The following TFE3 variants were observed in gnomAD, a reference collection of about 807,000 sequenced individuals.
The protein encoded by TFE3 is transcription factor binding to IGHM enhancer 3.
TFE3 carries 5 observed loss-of-function variants against 35.0 expected under a neutral mutation model. The observed-to-expected ratio is 0.14, with a 90% CI of 0.07 to 0.30. TFE3 has a LOEUF of 0.30. Ranked by LOEUF, TFE3 falls within the 10% of genes least tolerant of loss-of-function variation. The probability of loss-of-function intolerance (pLI) is 1.00; values close to 1 mark genes in which losing one functional copy is unlikely to be tolerated. For missense variants in TFE3, 374 were observed against 496.6 expected (o/e 0.75, Z 2.35); for synonymous variants, 211 against 215.6 (o/e 0.98, Z 0.18).
At chrX:49,037,400 G>T (rs1323161525) in intron 5 of TFE3, among the ~76,000 whole-genome samples, 1 of 110,700 alleles carries the variant, frequency 9.0e-6, no homozygotes, top group Non-Finnish European at 1.9e-5. Context: ...CATTCAAGTT[G>T]CTATAAGATG....
rs1557075340 is a variant in TFE3, at chrX:49,039,333, G to A, written c.308C>T (p.Thr103Ile). ...TGAAGAAGATGACGACATGGCAGGG[G>A]TCCTGGAGCCCCCTGCAGAAGACGA... Reference protein sequence around the residue: ...SASSSAGGSRTPAMSSSSSSR... With the variant: ...SASSSAGGSRIPAMSSSSSSR... Residue 103 changes from threonine to isoleucine, a missense_variant, in exon 3 of 10, where the codon ACC (threonine) becomes ATC (isoleucine). Thr to Ile is a moderately conservative substitution (Grantham distance 89). This residue lies in a region of TFE3 where 90 missense variants were observed against 87.5 expected (regional missense o/e 1.03). Transcript: ENST00000315869. The A allele has an allele frequency of 1.7e-6, 2 of 1,207,467 alleles. No homozygotes were observed. Among genetic ancestry groups the A allele is most frequent in the Non-Finnish European group, 2.2e-6 (2 of 893,289 alleles).
At chrX:49,038,762 T>C (rs1602498424) in intron 3 of TFE3, among the ~76,000 whole-genome samples, 1 of 109,760 alleles carries the variant, frequency 9.1e-6, no homozygotes, top group Admixed American at 9.7e-5. Flanking sequence ...CTGGGAACCA[T>C]ACAATGCTTC....
chrX:49,037,990 C>A lies in TFE3; in HGVS notation c.885+20G>T. 1 of 1,168,703 alleles carries A rather than the reference C, an allele frequency of 8.6e-7. No homozygotes were observed. Among genetic ancestry groups the A allele is most frequent in the Non-Finnish European group, 1.2e-6 (1 of 866,710 alleles). On this transcript the variant is annotated intron_variant, in intron 5 of 9. Transcript: ENST00000315869. ...GAAATGCCCTAATTTTCAGACCAACCTCCCATCTCAGGGCCTCACCGTGCT... is the reference window on the plus strand; with the variant it reads ...GAAATGCCCTAATTTTCAGACCAACATCCCATCTCAGGGCCTCACCGTGCT...
At chrX:49,034,644 C>A (rs1322914431) in intron 5 of TFE3, among the ~76,000 whole-genome samples, 1 of 112,138 alleles carries the variant, frequency 8.9e-6, no homozygotes, top group Non-Finnish European at 1.9e-5. Flanking sequence ...AGTCCGTTAG[C>A]TCCTCCCAGC....
chrX:49,030,377 C>G lies in TFE3; in HGVS notation c.1509G>C (p.Leu503=), dbSNP rs2147767674. Residue 503 remains leucine (L), a synonymous_variant, in exon 10 of 10, where the codon CTG becomes CTC. Transcript: ENST00000315869. ...CCCCCAGGTGGTCGCTGGGAAAGTG[C>G]AGGTCCAGAAGGGCATCTGAGGGCG... ...PAPPSDALLD[L]HFPSDHLGDL... The G allele has an allele frequency of 8.3e-7, 1 of 1,209,590 alleles. No individual in the cohort carries two copies. Among genetic ancestry groups the G allele is most frequent in the East Asian group, 3.0e-5 (1 of 33,719 alleles).
chrX:49,039,536 A>C, intron 2 of TFE3, 126 bp from the exon 3 acceptor site: 1 of 757,843 alleles, frequency 1.3e-6, no homozygotes, highest in Non-Finnish European at 1.8e-6. Context: ...CGAGGCCACA[A>C]TGTAGAAGCA....
At chrX:49,040,421 T>C in intron 2 of TFE3, 34 bp downstream of exon 2, 1 of 1,100,787 alleles carries the variant, frequency 9.1e-7, no homozygotes, top group Non-Finnish European at 1.3e-6. Flanking sequence ...GCTGAGGAAT[T>C]GGGAGGGGAA....
In TFE3 at chrX:49,039,425, A is replaced by G; in HGVS notation, c.231-15T>C. 1 of 1,156,925 alleles carries G rather than the reference A, an allele frequency of 8.6e-7. No individual in the cohort carries two copies. The highest frequency in any genetic ancestry group is 1.2e-6 in the Non-Finnish European group (1 of 868,178). On this transcript the variant is annotated splice_polypyrimidine_tract_variant and intron_variant, in intron 2 of 9. Coordinates refer to ENST00000315869, the MANE Select transcript of TFE3 (RefSeq NM_006521.6). ...ATATTGGGAGGCTGTGGAATGGGAA[A>G]TATGGGGCCATATTTTAGGTAAGCT... is the stretch of plus-strand genomic sequence containing the variant.
In TFE3 at chrX:49,031,733, C is replaced by A. The variant is rs1420332702; in HGVS notation, c.1137-189G>T. On this transcript the variant is annotated intron_variant, in intron 8 of 9. Coordinates refer to ENST00000315869, the MANE Select transcript of TFE3 (RefSeq NM_006521.6). ...AATCTTACAATGGTGCCCCATCACACTCCAAACCCTGGAAGCCGTCTCTGA... is the reference window on the plus strand; with the variant it reads ...AATCTTACAATGGTGCCCCATCACAATCCAAACCCTGGAAGCCGTCTCTGA... 9.7e-6 allele frequency: 4 copies of A among 411,153 alleles called. No homozygotes were observed. In the East Asian group the frequency reaches 1.7e-4, roughly 18 times the overall value. The allele number at this position is 411,153 out of a possible 1,213,427, so 33.9% of individuals were successfully genotyped here.
rs2064683676 is a variant in TFE3 at position 49,029,153 on chromosome X, G to C, written c.*1005C>G. ...GTTGAAAAAGAATACTGAGGTACTG[G>C]TTCTGGTAACCTGAACTCAGTCCCC... On this transcript the variant is annotated 3_prime_UTR_variant, in exon 10 of 10. Transcript: ENST00000315869. 1 of 173,965 alleles carries C rather than the reference G, an allele frequency of 5.7e-6. No homozygotes were observed. The highest frequency in any genetic ancestry group is 7.8e-5 in the Admixed American group (1 of 12,788). The allele number at this position is 173,965 out of a possible 1,213,427, so 14.3% of individuals were successfully genotyped here.
chrX:49,042,443 T>C (rs1289589789), intron 1 of TFE3, among the ~76,000 whole-genome samples: 2 of 111,266 alleles, frequency 1.8e-5, no homozygotes, highest in Non-Finnish European at 3.8e-5. Flanking sequence ...TCCACTATCC[T>C]TGGGATCTGC....
In TFE3 at chrX:49,029,314, A is replaced by G. The variant is rs2064684504; in HGVS notation, c.*844T>C. ...ATTTCATAATCTGTCCCCTTCCCCAAGAGCAAGGTTGGCTCAGAGCCCTCC... is the reference window on the plus strand; with the variant it reads ...ATTTCATAATCTGTCCCCTTCCCCAGGAGCAAGGTTGGCTCAGAGCCCTCC... On this transcript the variant is annotated 3_prime_UTR_variant, in exon 10 of 10. Coordinates refer to ENST00000315869, the MANE Select transcript of TFE3 (RefSeq NM_006521.6). The G allele has an allele frequency of 5.5e-6, 1 of 180,283 alleles. No individual in the cohort carries two copies. The highest frequency in any genetic ancestry group is 7.1e-5 in the Admixed American group (1 of 14,006). 14.9% of individuals were successfully genotyped at this position (180,283 alleles called of 1,213,427 possible). A position where few individuals can be genotyped will look rare whatever the true frequency, so the allele number is the denominator to read the frequency against.
At chrX:49,033,993 A>G in intron 6 of TFE3, 141 bp downstream of exon 6, 1 of 616,233 alleles carries the variant, frequency 1.6e-6, no homozygotes, top group East Asian at 3.5e-5. Context: ...CACAAGCCAT[A>G]GGGGGAAAGG....
chrX:49,034,872 A>C (rs1009587297), intron 5 of TFE3, among the ~76,000 whole-genome samples: 2 of 110,911 alleles, frequency 1.8e-5, no homozygotes, highest in Non-Finnish European at 3.8e-5. Context: ...CAAGGTCCTG[A>C]CTCCAGTATC....
chrX:49,030,638 G>A lies in TFE3; in HGVS notation c.1285-37C>T, dbSNP rs782029710. The A allele has an allele frequency of 5.4e-6, 6 of 1,115,488 alleles. No individual in the cohort carries two copies. The Admixed American group carries it at 1.2e-4, about 22-fold the overall frequency. 91.9% of individuals were successfully genotyped at this position (1,115,488 alleles called of 1,213,427 possible). On this transcript the variant is annotated intron_variant, in intron 9 of 9. Coordinates refer to ENST00000315869, the MANE Select transcript of TFE3 (RefSeq NM_006521.6). The stretch of plus-strand genomic sequence containing the variant: ...AGGGGTTGGGTGCAGGATAAGTAGG[G>A]TTCAGAGTCCCTCAGAGGCAGAGGA...
intron 1 of TFE3, among the ~76,000 whole-genome samples, chrX:49,041,517 G>A (rs2147778981): frequency 8.9e-6 from 1 of 111,844 alleles, no homozygotes. Context: ...GGATTTACAA[G>A]AGGGAGAATT....
intron 5 of TFE3, among the ~76,000 whole-genome samples, chrX:49,036,375 G>A (rs1426990332): frequency 1.9e-5 from 2 of 103,501 alleles, no homozygotes; most frequent in Non-Finnish European, 3.9e-5. Context: ...GCTGAGGCAG[G>A]AGAATTGCTT....
intron 2 of TFE3, among the ~76,000 whole-genome samples, chrX:49,039,976 C>G (rs1017044927): frequency 1.8e-5 from 2 of 110,364 alleles, no homozygotes; most frequent in Admixed American, 9.7e-5. Flanking sequence ...CCTCCCCTCC[C>G]CTCTCTCAGA....
At chrX:49,034,332 T>C in intron 5 of TFE3, 81 bp from the exon 6 acceptor site, 1 of 660,279 alleles carries the variant, frequency 1.5e-6, no homozygotes, top group Non-Finnish European at 2.4e-6. Flanking sequence ...GTTCCTGAGC[T>C]TCCACATATC....
Sources: allele counts gnomAD v4.1 joint callset (sites outside exome capture counted in the v4.1 genomes callset), GRCh38; gene constraint gnomAD v4.1.1; regional missense constraint gnomAD v4.1.1; transcripts MANE v1.5; gene names NCBI Gene and HGNC (gene_info 2026-07-23, HGNC 2026-07-21).